The following CDH17 variants were observed in gnomAD, a reference collection of about 807,000 sequenced individuals.
CDH17 encodes cadherin 17.
Under a neutral mutation model 86.3 loss-of-function variants are expected in CDH17, and 67 were observed. The ratio of observed to expected loss-of-function variants is 0.78; its 90% CI spans 0.64 to 0.95. The LOEUF (loss-of-function observed/expected upper bound fraction) is 0.95. CDH17 is among the 40% of genes least tolerant of loss of function. The probability of loss-of-function intolerance (pLI) is 0.00; values close to 1 mark genes in which losing one functional copy is unlikely to be tolerated. For synonymous variants in CDH17, 367 were observed against 366.4 expected (o/e 1.00, Z -0.02); for missense variants, 993 against 1,017.6 (o/e 0.98, Z 0.33).
chr8:94,160,013 G>C lies in CDH17; in HGVS notation c.1509C>G (p.Asp503Glu). The C allele has an allele frequency of 6.2e-7, 1 of 1,613,482 alleles. No individual in the cohort carries two copies. The highest frequency in any genetic ancestry group is 8.5e-7 in the Non-Finnish European group (1 of 1,179,604). The change falls in exon 12 of 18, where the codon GAC (aspartate) becomes GAG (glutamate). Residue 503 changes from aspartate to glutamate, a missense_variant. By Grantham distance (45) the Asp-to-Glu change is conservative. Coordinates refer to ENST00000027335, the MANE Select transcript of CDH17 (RefSeq NM_004063.4). ...ATCCGGTGTTGGTATGGGGATCTGT[G>C]TCAACCCCCAGGCGTCCCTCACTGT... ...KGDSEGRLGV[D>E]TDPHTNTGYV... is the part of the protein sequence containing the mutation.
chr8:94,216,387 C>T (rs1454718469), intron 1 of CDH17, among the ~76,000 whole-genome samples: 1 of 152,100 alleles, frequency 6.6e-6, no homozygotes, highest in Non-Finnish European at 1.5e-5. Context: ...TTGGGAGAGA[C>T]CATCTGGCTC....
intron 2 of CDH17, 79 bp from the exon 3 acceptor site, chr8:94,189,364 A>C: frequency 2.1e-6 from 2 of 949,922 alleles, no homozygotes; most frequent in Non-Finnish European, 3.3e-6. Context: ...GGCTTCCAGC[A>C]CCAATATACA....
intron 5 of CDH17, among the ~76,000 whole-genome samples, chr8:94,176,214 G>T (rs891604940): frequency 2.0e-5 from 3 of 152,112 alleles, no homozygotes; most frequent in African/African-American, 7.2e-5. Context: ...ATTTGGCAAT[G>T]CCTGGAGACA....
chr8:94,135,377 C>T (rs980797283), intron 15 of CDH17, among the ~76,000 whole-genome samples: 1 of 152,202 alleles, frequency 6.6e-6, no homozygotes, highest in Non-Finnish European at 1.5e-5. Context: ...ATAGTTAGCT[C>T]TTCTTGTTGA....
At chr8:94,185,251 A>G (rs1323004265) in intron 3 of CDH17, among the ~76,000 whole-genome samples, 1 of 148,514 alleles carries the variant, frequency 6.7e-6, no homozygotes, top group Non-Finnish European at 1.5e-5. Context: ...CTACTCTGTC[A>G]TCCCAACCCC....
chr8:94,170,654 T>C (rs1813251770), intron 8 of CDH17, 107 bp from the exon 9 acceptor site: 12 of 1,408,092 alleles, frequency 8.5e-6, no homozygotes, highest in Non-Finnish European at 1.1e-5. Flanking sequence ...TTATTTTTAA[T>C]TCACTTAGAA....
intron 12 of CDH17, among the ~76,000 whole-genome samples, chr8:94,157,405 G>C (rs1812967356): frequency 6.6e-6 from 1 of 152,016 alleles, no homozygotes; most frequent in Non-Finnish European, 1.5e-5. Context: ...TATCCTAGTG[G>C]GGAATTGGCT....
chr8:94,199,087 T>A (rs201295227), intron 1 of CDH17, among the ~76,000 whole-genome samples: 253 of 24,400 alleles, frequency 0.01, no homozygotes, highest in African/African-American at 0.019. Flanking sequence ...ATATATATTT[T>A]TTTTTTTTTA....
intron 11 of CDH17, among the ~76,000 whole-genome samples, chr8:94,161,299 C>T (rs998575356): frequency 3.3e-5 from 5 of 152,180 alleles, no homozygotes; most frequent in African/African-American, 1.2e-4. Flanking sequence ...CTCTTCCCAC[C>T]CCTAGCCCCC....
intron 6 of CDH17, 45 bp downstream of exon 6, chr8:94,174,057 C>A (rs1269330432): frequency 1.2e-6 from 2 of 1,610,554 alleles, no homozygotes; most frequent in Non-Finnish European, 1.7e-6. Context: ...ACCAAACTCC[C>A]TTTTTCTGAT....
chr8:94,155,355 T>C (rs1812927419), intron 12 of CDH17, among the ~76,000 whole-genome samples: 1 of 151,686 alleles, frequency 6.6e-6, no homozygotes, highest in African/African-American at 2.4e-5. Context: ...AAAAGCCTAG[T>C]AGACCAAGCA....
At chr8:94,154,572 C>A (rs537239848) in intron 12 of CDH17, among the ~76,000 whole-genome samples, 7 of 152,204 alleles carry the variant, frequency 4.6e-5, no homozygotes, top group African/African-American at 1.7e-4. Context: ...CATCAAGAAA[C>A]CAATTTTGGT....
chr8:94,211,823 G>A (rs890240034), upstream of CDH17, among the ~76,000 whole-genome samples: 1 of 152,138 alleles, frequency 6.6e-6, no homozygotes, highest in African/African-American at 2.4e-5. Flanking sequence ...ACTTGATGAT[G>A]GCAGAAACTT....
intron 3 of CDH17, among the ~76,000 whole-genome samples, chr8:94,178,374 AG>A (rs1197589921): frequency 6.6e-6 from 1 of 152,188 alleles, no homozygotes; most frequent in African/African-American, 2.4e-5. Flanking sequence ...ATGGATATAA[AG>A]AAACATTGTT....
At chr8:94,198,098 T>C (rs1406927980) in intron 1 of CDH17, among the ~76,000 whole-genome samples, 1 of 151,456 alleles carries the variant, frequency 6.6e-6, no homozygotes, top group African/African-American at 2.4e-5. Context: ...ATGTATGACA[T>C]AGAGCATGGA....
chr8:94,170,716 G>T, intron 8 of CDH17, 138 bp downstream of exon 8: 1 of 1,347,860 alleles, frequency 7.4e-7, no homozygotes, highest in Non-Finnish European at 1.0e-6. Context: ...AAATTATCAT[G>T]TCTTTGAAAA....
chr8:94,160,598 G>C (rs1813033647), intron 11 of CDH17, among the ~76,000 whole-genome samples: 1 of 152,200 alleles, frequency 6.6e-6, no homozygotes, highest in African/African-American at 2.4e-5. Context: ...GCCTGAATAT[G>C]AATTGTAGGC....
chr8:94,189,589 C>A (rs1374939466), intron 2 of CDH17, among the ~76,000 whole-genome samples: 2 of 152,234 alleles, frequency 1.3e-5, no homozygotes, highest in African/African-American at 2.4e-5. Flanking sequence ...ACACAGCACA[C>A]ATGCTCAGGC....
rs1375654400 is a variant in CDH17, at chr8:94,128,218, A to C, written c.*22T>G. 6.6e-7 allele frequency: 1 copy of C among 1,504,452 alleles called. No individual in the cohort carries two copies. The highest frequency in any genetic ancestry group is 1.7e-5 in the Admixed American group (1 of 59,480). 93.2% of individuals were successfully genotyped at this position (1,504,452 alleles called of 1,614,324 possible). A position where few individuals can be genotyped will look rare whatever the true frequency, so the allele number is the denominator to read the frequency against. On this transcript the variant is annotated 3_prime_UTR_variant, in exon 18 of 18. Coordinates refer to ENST00000027335, the MANE Select transcript of CDH17 (RefSeq NM_004063.4). ...TGCTGAAATAGCACTTGCTATATAA[A>C]TTCAAACATTCCTTTTCAAATTCAG...
Sources: allele counts gnomAD v4.1 joint callset (sites outside exome capture counted in the v4.1 genomes callset), GRCh38; gene constraint gnomAD v4.1.1; transcripts MANE v1.5; gene names NCBI Gene and HGNC (gene_info 2026-07-23, HGNC 2026-07-21).